The following PPP1R9A variants were observed in gnomAD, a reference collection of about 807,000 sequenced individuals.
PPP1R9A encodes the protein protein phosphatase 1 regulatory subunit 9A.
PPP1R9A carries 59 observed loss-of-function variants against 141.9 expected under a neutral mutation model. The ratio of observed to expected loss-of-function variants is 0.42; its 90% CI spans 0.34 to 0.52. The LOEUF is 0.52. Ranked by LOEUF, PPP1R9A falls within the 20% of genes least tolerant of loss-of-function variation. The pLI, the probability that PPP1R9A is intolerant of heterozygous loss-of-function variation, is 0.10. For synonymous variants in PPP1R9A, 500 were observed against 569.7 expected (o/e 0.88, Z 1.74); for missense variants, 1,444 against 1,611.9 (o/e 0.90, Z 1.78).
At chr7:95,082,691 G>C (rs1475184112) in intron 2 of PPP1R9A, among the ~76,000 whole-genome samples, 6 of 151,230 alleles carry the variant, frequency 4.0e-5, no homozygotes, top group African/African-American at 1.2e-4. Flanking sequence ...AGTGAGCTAT[G>C]ATCATGCCAC....
Position 95,003,925 on chromosome 7 carries a change from T to A in PPP1R9A, c.1395+92417T>A, listed in dbSNP as rs527284170. The stretch of plus-strand genomic sequence containing the variant: ...TGTAGATTAGCTACCCATCTGTACT[T>A]ATTCTAAAAGATCAAGGTAGGGAGC... On this transcript the variant is annotated intron_variant, in intron 2 of 19. Coordinates refer to ENST00000433360, the MANE Select transcript of PPP1R9A (RefSeq NM_001166160.2). Among the ~76,000 whole-genome samples the A allele has an allele frequency of 4.6e-5, 7 of 152,290 alleles. No homozygotes were observed. In the South Asian group the frequency reaches 1.5e-3, roughly 32 times the overall value.
rs188946574 is a variant in PPP1R9A, at chr7:95,142,939, A to G, written c.1650-18928A>G. 2.2e-3 allele frequency among the ~76,000 whole-genome samples: 339 copies of G among 152,132 alleles called. 2 individuals carry two copies. Among genetic ancestry groups the G allele is most frequent in the African/African-American group, 7.5e-3 (311 of 41,506 alleles). On this transcript the variant is annotated intron_variant, in intron 4 of 19. Transcript: ENST00000433360. ...ATAATCATTCCTTCTCTTTTATCCA[A>G]TGACTTAATATTATGTTATTATTTC...
intron 2 of PPP1R9A, among the ~76,000 whole-genome samples, chr7:94,977,984 A>T (rs1250712876): frequency 1.3e-5 from 2 of 151,638 alleles, no homozygotes; most frequent in African/African-American, 4.8e-5. Flanking sequence ...GCTGGTCTTG[A>T]ATCCCTGACC....
intron 2 of PPP1R9A, among the ~76,000 whole-genome samples, chr7:94,931,335 T>A (rs960769888): frequency 2.6e-5 from 4 of 152,172 alleles, no homozygotes; most frequent in Admixed American, 6.5e-5. Flanking sequence ...TTTCAAGTAA[T>A]AGACTTGACA....
At chr7:95,119,781 G>A (rs1822196465) in intron 3 of PPP1R9A, among the ~76,000 whole-genome samples, 1 of 151,882 alleles carries the variant, frequency 6.6e-6, no homozygotes, top group Non-Finnish European at 1.5e-5. Flanking sequence ...AAAGTAAGCA[G>A]TAAAGAGAAG....
At chr7:95,203,879 A>G (rs1790130162) in intron 7 of PPP1R9A, 149 bp downstream of exon 7, 2 of 533,862 alleles carry the variant, frequency 3.7e-6, no homozygotes, top group Non-Finnish European at 6.2e-6. Flanking sequence ...TAGTTTGAAA[A>G]TAATCATTCA....
At chr7:95,011,704 G>A (rs1228306693) in intron 2 of PPP1R9A, among the ~76,000 whole-genome samples, 1 of 152,154 alleles carries the variant, frequency 6.6e-6, no homozygotes, top group African/African-American at 2.4e-5. Context: ...GAGTGGTTTG[G>A]ATGAATCAGC....
chr7:95,116,849 G>T (rs1318054546), intron 3 of PPP1R9A, among the ~76,000 whole-genome samples: 1 of 152,128 alleles, frequency 6.6e-6, no homozygotes, highest in Non-Finnish European at 1.5e-5. Flanking sequence ...TCCAGAAAAA[G>T]ATGTTAGTAT....
At chr7:95,068,341 A>G (rs1318173094) in intron 2 of PPP1R9A, among the ~76,000 whole-genome samples, 2 of 151,834 alleles carry the variant, frequency 1.3e-5, no homozygotes, top group Non-Finnish European at 2.9e-5. Context: ...GTGGTGGCAC[A>G]CGCCTGTAGT....
Position 95,178,667 on chromosome 7 carries a change from A to C in PPP1R9A, c.1754+16696A>C, listed in dbSNP as rs147031112. On this transcript the variant is annotated intron_variant, in intron 5 of 19. Coordinates refer to ENST00000433360, the MANE Select transcript of PPP1R9A (RefSeq NM_001166160.2). ...AGAAAAGAAGAGAGAAAATCCAAAT[A>C]ACCTCAATAAGAAACAAAACGGGAG... 7.7e-3 allele frequency among the ~76,000 whole-genome samples: 1,172 copies of C among 152,316 alleles called. 28 individuals are homozygous for C. Among genetic ancestry groups the C allele is most frequent in the Admixed American group, 0.041 (628 of 15,288 alleles).
chr7:95,186,807 C>T (rs1834724438), intron 5 of PPP1R9A, among the ~76,000 whole-genome samples: 1 of 151,944 alleles, frequency 6.6e-6, no homozygotes, highest in Non-Finnish European at 1.5e-5. Context: ...TGTGGTGTGT[C>T]TCATTTATTG....
At chr7:95,178,086 A>T (rs958447914) in intron 5 of PPP1R9A, among the ~76,000 whole-genome samples, 2 of 152,166 alleles carry the variant, frequency 1.3e-5, no homozygotes, top group Non-Finnish European at 2.9e-5. Context: ...TATACATTCT[A>T]TTCAACAGTG....
In PPP1R9A at chr7:95,293,613, C is replaced by A. The variant is rs535691079; in HGVS notation, c.*3310C>A. 1 of 152,180 alleles carries A rather than the reference C, an allele frequency of 6.6e-6. No homozygotes were observed. Among genetic ancestry groups the A allele is most frequent in the Non-Finnish European group, 1.5e-5 (1 of 68,038 alleles). 9.4% of individuals were successfully genotyped at this position (152,180 alleles called of 1,614,324 possible). ...AAGTGGCAAGAGGGAAAATGAGGAA[C>A]CAGATTTACCTTTGCCACTATCTGT... is the stretch of plus-strand genomic sequence containing the variant. On this transcript the variant is annotated 3_prime_UTR_variant, in exon 20 of 20. Coordinates refer to ENST00000433360, the MANE Select transcript of PPP1R9A (RefSeq NM_001166160.2).
chr7:95,213,296 G>A (rs147047630), intron 7 of PPP1R9A, among the ~76,000 whole-genome samples: 1,774 of 150,068 alleles, frequency 0.012, 35 homozygotes, highest in Admixed American at 0.041. Flanking sequence ...GATTTTATTG[G>A]TTGTACTATC....
At chr7:95,191,044 C>G (rs1166938786) in intron 5 of PPP1R9A, among the ~76,000 whole-genome samples, 1 of 152,194 alleles carries the variant, frequency 6.6e-6, no homozygotes, top group Admixed American at 6.5e-5. Flanking sequence ...TTTATAACCT[C>G]TCGTCATTTA....
chr7:95,016,772 C>A (rs559926086), intron 2 of PPP1R9A, among the ~76,000 whole-genome samples: 1 of 152,278 alleles, frequency 6.6e-6, no homozygotes, highest in East Asian at 1.9e-4. Context: ...TGCCTACTTT[C>A]GTCCACTTCA....
intron 2 of PPP1R9A, among the ~76,000 whole-genome samples, chr7:95,003,502 T>C (rs1030701913): frequency 2.6e-5 from 4 of 152,216 alleles, no homozygotes; most frequent in African/African-American, 9.6e-5. Context: ...GATGCTCCTT[T>C]ATTCTGAAAA....
At chr7:95,195,529 T>G (rs1240727311) in intron 5 of PPP1R9A, among the ~76,000 whole-genome samples, 1 of 151,500 alleles carries the variant, frequency 6.6e-6, no homozygotes, top group Non-Finnish European at 1.5e-5. Context: ...CTTCCCACCT[T>G]GGCCTCCCGA....
chr7:95,016,189 A>G (rs1805079395), intron 2 of PPP1R9A, among the ~76,000 whole-genome samples: 1 of 152,154 alleles, frequency 6.6e-6, no homozygotes, highest in Non-Finnish European at 1.5e-5. Flanking sequence ...AAATGACCAC[A>G]GATTTCTCAT....
Sources: allele counts gnomAD v4.1 joint callset (sites outside exome capture counted in the v4.1 genomes callset), GRCh38; gene constraint gnomAD v4.1.1; transcripts MANE v1.5; gene names NCBI Gene and HGNC (gene_info 2026-07-23, HGNC 2026-07-21).